SLC75A1: variants seen among roughly 807,000 people sequenced by gnomAD.
SLC75A1 encodes solute carrier family 75 member 1, also known as major facilitator superfamily domain containing 10.
At chr4:2,933,988 C>T in the SLC75A1 span, 4 of 1,493,026 alleles carry the variant, frequency 2.7e-6, no homozygotes, top group Non-Finnish European at 3.6e-6. Flanking sequence ...AAGCCGAGTC[C>T]TCCGGGGCCT....
the SLC75A1 span, chr4:2,931,467 T>C: frequency 1.3e-6 from 2 of 1,575,836 alleles, no homozygotes; most frequent in South Asian, 2.3e-5. Context: ...CAGGAGGGCC[T>C]GCAGGTGGGC....
chr4:2,933,455 G>T, the SLC75A1 span: 1 of 1,198,992 alleles, frequency 8.3e-7, no homozygotes, highest in Non-Finnish European at 1.2e-6. Flanking sequence ...AGACATGCCA[G>T]CCCAGGGAGT....
chr4:2,932,081 C>G, the SLC75A1 span: 8 of 1,610,932 alleles, frequency 5.0e-6, no homozygotes, highest in Non-Finnish European at 1.7e-6. Context: ...CGAGCGACAG[C>G]CGAGAAGCGC....
chr4:2,933,863 C>G, the SLC75A1 span: 1 of 1,584,770 alleles, frequency 6.3e-7, no homozygotes, highest in Non-Finnish European at 8.6e-7. Flanking sequence ...ACGCGGCGCT[C>G]CGGCGGCTGC....
At chr4:2,931,323 T>C in the SLC75A1 span, 6 of 1,545,066 alleles carry the variant, frequency 3.9e-6, no homozygotes, top group Admixed American at 4.0e-5. Flanking sequence ...GGAGGGTGCA[T>C]CACCCAGCCC....
the SLC75A1 span, chr4:2,933,144 C>A: frequency 9.3e-6 from 15 of 1,613,520 alleles, no homozygotes; most frequent in Non-Finnish European, 1.3e-5. Flanking sequence ...CCCAAGCAGT[C>A]AGAGGTGGCC....
the SLC75A1 span, chr4:2,931,680 T>G: frequency 2.6e-5 from 41 of 1,607,418 alleles, no homozygotes; most frequent in African/African-American, 4.1e-4. Context: ...GCGGGTGTGT[T>G]AGTGCAGGGC....
At chr4:2,932,924 T>C in the SLC75A1 span, 4 of 1,079,280 alleles carry the variant, frequency 3.7e-6, no homozygotes, top group Non-Finnish European at 5.2e-6. Flanking sequence ...GAGCAGCTCC[T>C]TGAAAGCCTG....
chr4:2,932,138 G>C, the SLC75A1 span: 4 of 1,606,774 alleles, frequency 2.5e-6, no homozygotes, highest in African/African-American at 2.7e-5. Context: ...CGGAACCCCA[G>C]GGCGATAGAG....
At chr4:2,932,102 G>A in the SLC75A1 span, 8 of 1,610,686 alleles carry the variant, frequency 5.0e-6, no homozygotes, top group Non-Finnish European at 6.8e-6. Flanking sequence ...AGCAGGGCCA[G>A]GGGGCTGAGC....
At chr4:2,932,019 C>T in the SLC75A1 span, 1 of 1,608,676 alleles carries the variant, frequency 6.2e-7, no homozygotes, top group East Asian at 2.2e-5. Context: ...GAGCAGGCTC[C>T]ACGCTTGGGT....
At chr4:2,933,675 G>A in the SLC75A1 span, 13 of 1,613,328 alleles carry the variant, frequency 8.1e-6, no homozygotes, top group Admixed American at 1.7e-5. Context: ...TAGGGGATGA[G>A]GAATCACGAT....
At chr4:2,932,299 T>C in the SLC75A1 span, 2 of 1,579,716 alleles carry the variant, frequency 1.3e-6, no homozygotes, top group South Asian at 1.1e-5. Flanking sequence ...TACATCGCTA[T>C]GGAATCAAGC....
At chr4:2,930,858 G>A in the SLC75A1 span, 5 of 1,613,124 alleles carry the variant, frequency 3.1e-6, no homozygotes, top group East Asian at 2.2e-5. Flanking sequence ...TTGAGCGTCT[G>A]TGCCGGGTAA....
the SLC75A1 span, chr4:2,932,291 C>T: frequency 5.1e-6 from 8 of 1,571,462 alleles, no homozygotes; most frequent in Non-Finnish European, 6.9e-6. Context: ...GGGCACTTTA[C>T]ATCGCTATGG....
the SLC75A1 span, chr4:2,933,673 G>T: frequency 6.2e-7 from 1 of 1,613,430 alleles, no homozygotes; most frequent in Non-Finnish European, 8.5e-7. Flanking sequence ...CCTAGGGGAT[G>T]AGGAATCACG....
At chr4:2,933,281 A>G in the SLC75A1 span, 1 of 1,422,764 alleles carries the variant, frequency 7.0e-7, no homozygotes, top group African/African-American at 1.4e-5. Flanking sequence ...CTCAAGGCCA[A>G]TGTCCAGCCC....
chr4:2,931,279 T>C, the SLC75A1 span: 5 of 1,553,304 alleles, frequency 3.2e-6, no homozygotes, highest in Admixed American at 7.8e-5. Flanking sequence ...CGGCGGCTGG[T>C]GGGAGACATC....
the SLC75A1 span, chr4:2,934,065 C>CGGACGCA: frequency 2.2e-6 from 2 of 922,074 alleles, no homozygotes; most frequent in Non-Finnish European, 3.2e-6. Context: ...CTCTGGCCTA[C>CGGACGCA]GGACGCAGGG....
Sources: gnomAD v4.1 joint callset for allele counts on GRCh38, gnomAD v4.1.1 for gene constraint, MANE v1.5 for transcripts, NCBI Gene and HGNC (gene_info 2026-07-23, HGNC 2026-07-21) for gene names.